Variants in SATL1 observed in about 807,000 individuals in gnomAD.
SATL1 encodes the protein spermidine/spermine N(1)-acetyltransferase-like protein 1.
In SATL1, 47 loss-of-function variants were observed where a neutral mutation model predicts 51.8. That is an observed-to-expected ratio of 0.91 (90% CI 0.72 to 1.16). The LOEUF is 1.16. Among genes scored for constraint, SATL1 ranks in the 50% most tolerant of loss-of-function variants. The pLI is 0.00. For synonymous variants in SATL1, 176 were observed against 182.4 expected, an observed-to-expected ratio of 0.97 and a Z score of 0.28; for missense variants, 520 against 526.4, an observed-to-expected ratio of 0.99 and a Z score of 0.12.
chrX:85,146,867 G>A (rs899637247), intron 2 of SATL1, among the ~76,000 whole-genome samples: 2 of 112,416 alleles, frequency 1.8e-5, no homozygotes, highest in Non-Finnish European at 1.9e-5. Context: ...GAACAACTCC[G>A]GTCTACAGCT....
intron 2 of SATL1, among the ~76,000 whole-genome samples, chrX:85,145,161 T>C (rs181244757): frequency 9.8e-4 from 110 of 112,044 alleles, no homozygotes; most frequent in African/African-American, 3.0e-3. Flanking sequence ...TTAGTGCACA[T>C]TGGGAATGAA....
chrX:85,214,187 C>T (rs1457329882), intron 2 of SATL1, among the ~76,000 whole-genome samples: 3 of 111,807 alleles, frequency 2.7e-5, no homozygotes, highest in African/African-American at 9.8e-5. Flanking sequence ...GTTCTGCAGG[C>T]TGTACAAGAA....
intron 2 of SATL1, among the ~76,000 whole-genome samples, chrX:85,118,086 G>GTTTTTTTTTTTTTTTTTT (rs780585183): frequency 2.6e-5 from 1 of 38,821 alleles, no homozygotes; most frequent in Non-Finnish European, 7.3e-5. Flanking sequence ...AAAGAACTTA[G>GTTTTTTTTTTTTTTTTTT]CTTTTTTTTT....
At chrX:85,127,376 T>C (rs1181309838) in intron 2 of SATL1, among the ~76,000 whole-genome samples, 1 of 111,489 alleles carries the variant, frequency 9.0e-6, no homozygotes, top group Non-Finnish European at 1.9e-5. Flanking sequence ...TAAATGTAGG[T>C]TGTATTATTA....
chrX:85,202,392 A>T (rs1927704633), intron 2 of SATL1, among the ~76,000 whole-genome samples: 1 of 111,466 alleles, frequency 9.0e-6, no homozygotes, highest in Non-Finnish European at 1.9e-5. Flanking sequence ...CGTCTTTGGT[A>T]GAGTTTTGCT....
intron 2 of SATL1, among the ~76,000 whole-genome samples, chrX:85,221,028 C>T (rs1928165393): frequency 9.0e-6 from 1 of 111,271 alleles, no homozygotes; most frequent in African/African-American, 3.3e-5. Context: ...CAGTCCAATC[C>T]TATTGCCACA....
chrX:85,201,683 T>A (rs1415685758), intron 2 of SATL1, among the ~76,000 whole-genome samples: 1 of 111,591 alleles, frequency 9.0e-6, no homozygotes, highest in Admixed American at 9.5e-5. Flanking sequence ...ATTTTTATCA[T>A]TGAACTCCCA....
chrX:85,185,225 C>G (rs946424975), intron 2 of SATL1, among the ~76,000 whole-genome samples: 12 of 112,657 alleles, frequency 1.1e-4, no homozygotes, highest in African/African-American at 3.2e-4. Flanking sequence ...AGCTAGGGGA[C>G]GGGTGACACA....
At chrX:85,166,410 A>T (rs1332606891) in intron 2 of SATL1, among the ~76,000 whole-genome samples, 1 of 111,849 alleles carries the variant, frequency 8.9e-6, no homozygotes, top group African/African-American at 3.3e-5. Flanking sequence ...ATCTACAAGG[A>T]ACTCAAACAA....
chrX:85,238,242 G>C (rs188606380), intron 1 of SATL1, among the ~76,000 whole-genome samples: 52 of 111,651 alleles, frequency 4.7e-4, no homozygotes, highest in African/African-American at 1.6e-3. Flanking sequence ...TCAGTATATT[G>C]AAGAGGTATC....
chrX:85,214,102 T>C (rs1927986123), intron 2 of SATL1, among the ~76,000 whole-genome samples: 1 of 112,089 alleles, frequency 8.9e-6, no homozygotes, highest in South Asian at 3.7e-4. Flanking sequence ...CTGTGTGTCT[T>C]AGTCCATTTT....
At chrX:85,151,263 T>G (rs1326921045) in intron 2 of SATL1, among the ~76,000 whole-genome samples, 2 of 110,543 alleles carry the variant, frequency 1.8e-5, no homozygotes, top group African/African-American at 6.6e-5. Flanking sequence ...TTACAAGGGA[T>G]GTGAAGGACC....
intron 2 of SATL1, among the ~76,000 whole-genome samples, chrX:85,122,442 T>G (rs1412961792): frequency 9.0e-6 from 1 of 111,124 alleles, no homozygotes; most frequent in African/African-American, 3.3e-5. Context: ...CTCTGAAGTT[T>G]AAGAATCACA....
chrX:85,191,139 A>T (rs1927428954), intron 2 of SATL1, among the ~76,000 whole-genome samples: 1 of 110,897 alleles, frequency 9.0e-6, no homozygotes, highest in Non-Finnish European at 1.9e-5. Context: ...ATAAAAAATG[A>T]TACCCATTAT....
chrX:85,198,129 C>G (rs751400021), intron 2 of SATL1, among the ~76,000 whole-genome samples: 1 of 111,385 alleles, frequency 9.0e-6, no homozygotes, highest in African/African-American at 3.3e-5. Context: ...ATAATGTCCT[C>G]CGGTTTCGTC....
rs186880011 is a variant in SATL1 at position 85,172,840 on chromosome X, G to A, written c.-313+51365C>T. Among the ~76,000 whole-genome samples the A allele has an allele frequency of 4.0e-3, 440 of 110,858 alleles. 2 individuals are homozygous for A. The highest frequency in any genetic ancestry group is 0.014 in the African/African-American group (429 of 30,688). On this transcript the variant is annotated intron_variant, in intron 2 of 7. Coordinates refer to ENST00000644105, the MANE Select transcript of SATL1 (RefSeq NM_001367857.2). ...AACCTGGTTACAGGGTTATTAGCTG[G>A]TTTGGGAGCCATAAGATTAGATTAG...
chrX:85,154,497 G>C (rs1926539762), intron 2 of SATL1, among the ~76,000 whole-genome samples: 1 of 112,078 alleles, frequency 8.9e-6, no homozygotes, highest in African/African-American at 3.2e-5. Flanking sequence ...CGTTTATTGA[G>C]AGTTTATTAT....
rs760186757 is a variant in SATL1, at chrX:85,196,987, G to A, written c.-313+27218C>T. Among the ~76,000 whole-genome samples, 381 of 111,777 alleles carry A rather than the reference G, an allele frequency of 3.4e-3. 2 individuals carry two copies. Among genetic ancestry groups the A allele is most frequent in the African/African-American group, 0.012 (364 of 30,851 alleles). ...GCATAACTGATAAAAGGAAAAATAA[G>A]TAGACTGGAAATGATCAAACTTTAA... On this transcript the variant is annotated intron_variant, in intron 2 of 7. Transcript: ENST00000644105.
intron 1 of SATL1, among the ~76,000 whole-genome samples, chrX:85,241,812 G>C (rs1928601026): frequency 8.9e-6 from 1 of 112,294 alleles, no homozygotes; most frequent in Non-Finnish European, 1.9e-5. Context: ...AAGATATCAA[G>C]TGGAGCAGAG....
Sources: allele counts gnomAD v4.1 joint callset (sites outside exome capture counted in the v4.1 genomes callset), GRCh38; gene constraint gnomAD v4.1.1; transcripts MANE v1.5; gene names NCBI Gene and HGNC (gene_info 2026-07-23, HGNC 2026-07-21).